The following RBFOX1 variants were observed in gnomAD, a reference collection of about 807,000 sequenced individuals.
RBFOX1 encodes the protein RNA binding fox-1 homolog 1, also known as RNA binding protein fox-1 homolog 1.
In RBFOX1, 8 loss-of-function variants were observed where a neutral mutation model predicts 57.7. The observed-to-expected ratio is 0.14, with a 90% CI of 0.08 to 0.25. The LOEUF (loss-of-function observed/expected upper bound fraction) is 0.25, where lower values mean the gene tolerates loss of function less well. Ranked by LOEUF, RBFOX1 falls within the 10% of genes least tolerant of loss-of-function variation. The pLI, the probability that RBFOX1 is intolerant of heterozygous loss-of-function variation, is 1.00. For synonymous variants in RBFOX1, 326 were observed against 222.4 expected, an observed-to-expected ratio of 1.47 and a Z score of -4.15; for missense variants, 611 against 548.5, an observed-to-expected ratio of 1.11 and a Z score of -1.14.
intron 4 of RBFOX1, among the ~76,000 whole-genome samples, chr16:7,130,926 A>G (rs956594167): frequency 2.0e-5 from 3 of 152,336 alleles, no homozygotes; most frequent in African/African-American, 7.2e-5. Context: ...CAGTTTTATC[A>G]TCAGTCCTGG....
At chr16:5,829,146 G>A (rs2056178011) in intron 3 of RBFOX1, among the ~76,000 whole-genome samples, 1 of 152,174 alleles carries the variant, frequency 6.6e-6, no homozygotes, top group African/African-American at 2.4e-5. Flanking sequence ...TGTGCCAGGA[G>A]GAAGGGGTCA....
At chr16:6,182,836 A>T (rs2097074957) in intron 1 of RBFOX1, among the ~76,000 whole-genome samples, 1 of 152,178 alleles carries the variant, frequency 6.6e-6, no homozygotes. Context: ...TTTTAATGAA[A>T]ATATTTAGCT....
intron 1 of RBFOX1, among the ~76,000 whole-genome samples, chr16:5,455,641 C>G (rs1160845776): frequency 6.6e-6 from 1 of 152,152 alleles, no homozygotes; most frequent in African/African-American, 2.4e-5. Flanking sequence ...CTCACGCAGA[C>G]CCATTATTTC....
intron 2 of RBFOX1, among the ~76,000 whole-genome samples, chr16:5,582,970 C>A (rs991422716): frequency 1.3e-5 from 2 of 152,124 alleles, no homozygotes; most frequent in East Asian, 1.9e-4. Context: ...TATTGTGAGA[C>A]CTTTACAGAC....
chr16:6,483,520 T>G, intron 2 of RBFOX1: 1 of 1,535,620 alleles, frequency 6.5e-7, no homozygotes, highest in Non-Finnish European at 8.7e-7. Context: ...GGCAGCTAAT[T>G]GCAGTCGTGG....
chr16:7,185,027 C>G (rs1241411745), intron 4 of RBFOX1, among the ~76,000 whole-genome samples: 1 of 152,048 alleles, frequency 6.6e-6, no homozygotes. Context: ...GGAAATTGAT[C>G]CTTAGATTAA....
chr16:5,512,189 G>T (rs1214167594), intron 2 of RBFOX1, among the ~76,000 whole-genome samples: 2 of 152,212 alleles, frequency 1.3e-5, no homozygotes, highest in African/African-American at 4.8e-5. Context: ...GAGTTTGCAC[G>T]AGGGTGAGCA....
chr16:7,269,252 T>C (rs540976591), intron 4 of RBFOX1, among the ~76,000 whole-genome samples: 3 of 152,222 alleles, frequency 2.0e-5, no homozygotes, highest in African/African-American at 7.2e-5. Context: ...CTGCTAGACA[T>C]AGACACATAC....
intron 2 of RBFOX1, among the ~76,000 whole-genome samples, chr16:5,502,025 C>CTATCAT (rs370739681): frequency 1.3e-5 from 2 of 150,278 alleles, no homozygotes; most frequent in African/African-American, 4.9e-5. Context: ...GCCCAGCTCA[C>CTATCAT]TATTATTATT....
At chr16:7,568,875 T>C in intron 5 of RBFOX1, among the ~76,000 whole-genome samples, 1 of 97,972 alleles carries the variant, frequency 1.0e-5, no homozygotes, top group Admixed American at 1.2e-4. Context: ...TGATAGAGAC[T>C]CTGTCTCAAA....
At chr16:6,602,490 C>G (rs1347836629) in intron 2 of RBFOX1, among the ~76,000 whole-genome samples, 1 of 152,114 alleles carries the variant, frequency 6.6e-6, no homozygotes. Flanking sequence ...GAGGATCAGT[C>G]TGTGCTGAAT....
intron 4 of RBFOX1, among the ~76,000 whole-genome samples, chr16:7,179,849 C>G (rs1018297355): frequency 3.3e-5 from 5 of 152,056 alleles, no homozygotes; most frequent in African/African-American, 1.2e-4. Context: ...ATTCTCCTGC[C>G]TCAGCCTCCT....
intron 2 of RBFOX1, among the ~76,000 whole-genome samples, chr16:6,461,117 G>T (rs959453198): frequency 3.9e-5 from 6 of 152,112 alleles, no homozygotes; most frequent in African/African-American, 1.4e-4. Context: ...AGGGTGGGGG[G>T]AAGAAAGCAT....
At chr16:6,800,757 C>G (rs1419855495) in intron 3 of RBFOX1, among the ~76,000 whole-genome samples, 1 of 152,016 alleles carries the variant, frequency 6.6e-6, no homozygotes, top group Non-Finnish European at 1.5e-5. Context: ...AAGTAAGGGT[C>G]TCTAGAAAGC....
chr16:5,672,507 C>T (rs1372011327), intron 3 of RBFOX1, among the ~76,000 whole-genome samples: 3 of 152,184 alleles, frequency 2.0e-5, no homozygotes, highest in African/African-American at 7.2e-5. Context: ...GCACACCCCT[C>T]CAGACCCTAG....
chr16:6,341,856 C>G (rs1382128626), intron 2 of RBFOX1, among the ~76,000 whole-genome samples: 2 of 152,206 alleles, frequency 1.3e-5, no homozygotes, highest in African/African-American at 4.8e-5. Context: ...GAGTCCAAAT[C>G]AGGACTGCTT....
At chr16:5,711,425 C>T (rs2051483286) in intron 3 of RBFOX1, among the ~76,000 whole-genome samples, 1 of 152,218 alleles carries the variant, frequency 6.6e-6, no homozygotes, top group African/African-American at 2.4e-5. Context: ...TACCACCTTT[C>T]AGCTGAGAAA....
chr16:5,512,544 T>C (rs1030500122), intron 2 of RBFOX1, among the ~76,000 whole-genome samples: 2 of 152,182 alleles, frequency 1.3e-5, no homozygotes, highest in African/African-American at 2.4e-5. Flanking sequence ...CCCAGCTTTG[T>C]CATTTATGAG....
chr16:5,579,830 G>C (rs2046601719), intron 2 of RBFOX1, among the ~76,000 whole-genome samples: 1 of 151,292 alleles, frequency 6.6e-6, no homozygotes, highest in South Asian at 2.1e-4. Context: ...CTCGATCTCA[G>C]CTCACTGCAA....
Sources: allele counts gnomAD v4.1 joint callset (sites outside exome capture counted in the v4.1 genomes callset), GRCh38; gene constraint gnomAD v4.1.1; transcripts MANE v1.5; gene names NCBI Gene and HGNC (gene_info 2026-07-23, HGNC 2026-07-21).